Variants in TTC27 observed in about 807,000 individuals in gnomAD.
TTC27 encodes tetratricopeptide repeat protein 27.
TTC27 carries 79 observed loss-of-function variants against 115.9 expected under a neutral mutation model. That is an observed-to-expected ratio of 0.68 (90% confidence interval 0.57 to 0.82). The LOEUF (loss-of-function observed/expected upper bound fraction) is 0.82, where lower values mean the gene tolerates loss of function less well. Ranked by LOEUF, TTC27 falls within the 40% of genes least tolerant of loss-of-function variation. TTC27 has a pLI of 0.00. For synonymous variants in TTC27, 401 were observed against 356.0 expected (o/e 1.13, Z -1.42); for missense variants, 1,054 against 993.1 (o/e 1.06, Z -0.82).
chr2:32,711,517 T>C (rs1667580603), intron 10 of TTC27, among the ~76,000 whole-genome samples: 1 of 152,238 alleles, frequency 6.6e-6, no homozygotes, highest in African/African-American at 2.4e-5. Flanking sequence ...CCCTGAGGAA[T>C]AAGAGGAAAA....
chr2:32,741,965 T>C (rs1341232413), intron 12 of TTC27, among the ~76,000 whole-genome samples: 1 of 152,254 alleles, frequency 6.6e-6, no homozygotes, highest in African/African-American at 2.4e-5. Flanking sequence ...TAAAGAATTT[T>C]GATTCTTGCT....
chr2:32,684,708 C>G (rs1035224865), intron 9 of TTC27, among the ~76,000 whole-genome samples: 3 of 151,910 alleles, frequency 2.0e-5, no homozygotes, highest in African/African-American at 7.2e-5. Context: ...TTACTCATTT[C>G]TTAATTGTAA....
intron 16 of TTC27, among the ~76,000 whole-genome samples, chr2:32,793,734 G>C (rs1670611383): frequency 6.6e-6 from 1 of 152,072 alleles, no homozygotes; most frequent in South Asian, 2.1e-4. Context: ...TGTTGGCCAG[G>C]CTGGTCTTGA....
Position 32,673,327 on chromosome 2 carries a change from C to T in TTC27, c.1052+943C>T, listed in dbSNP as rs563958046. Among the ~76,000 whole-genome samples, 9 of 151,678 alleles carry T rather than the reference C, an allele frequency of 5.9e-5. 1 individual carries two copies. The South Asian group carries it at 1.0e-3, about 18-fold the overall frequency. On this transcript the variant is annotated intron_variant, in intron 8 of 19. Transcript: ENST00000317907. ...GCAACCTCCGCCCCACGGGCTCAAG[C>T]GATTCTCTTGCCTCAGCCTCCTGAG...
chr2:32,705,532 A>T (rs558535165), intron 10 of TTC27, among the ~76,000 whole-genome samples: 16 of 106,450 alleles, frequency 1.5e-4, no homozygotes, highest in African/African-American at 3.3e-4. Context: ...TTAGCATTTT[A>T]AAAAAATGTA....
intron 19 of TTC27, among the ~76,000 whole-genome samples, 174 bp from the exon 20 acceptor site, chr2:32,820,638 TTTAA>T (rs1320791561): frequency 9.2e-5 from 14 of 152,222 alleles, no homozygotes; most frequent in African/African-American, 2.9e-4. Flanking sequence ...TGATTCACCC[TTTAA>T]TTATTTTAGC....
intron 9 of TTC27, among the ~76,000 whole-genome samples, chr2:32,686,008 A>G (rs754621800): frequency 3.3e-5 from 5 of 152,238 alleles, no homozygotes; most frequent in Non-Finnish European, 7.3e-5. Flanking sequence ...GCAAGTTCTT[A>G]GAATACAAGG....
chr2:32,785,155 T>C (rs1670305589), intron 15 of TTC27, among the ~76,000 whole-genome samples: 1 of 152,216 alleles, frequency 6.6e-6, no homozygotes, highest in Admixed American at 6.5e-5. Context: ...ACTTTAAAAG[T>C]AGTATTCTGT....
intron 19 of TTC27, 51 bp downstream of exon 19, chr2:32,817,608 T>G: frequency 6.8e-7 from 1 of 1,461,438 alleles, no homozygotes; most frequent in Non-Finnish European, 9.6e-7. Context: ...AAAAGGTCAT[T>G]AGTATCAGCT....
chr2:32,751,821 C>CT (rs1057398089), intron 12 of TTC27, among the ~76,000 whole-genome samples: 1 of 152,164 alleles, frequency 6.6e-6, no homozygotes, highest in African/African-American at 2.4e-5. Context: ...ATCTAAAAGG[C>CT]TGTGAGTCTT....
rs181883046 is a variant in TTC27 at position 32,658,683 on chromosome 2, G to A, written c.641-5620G>A. Among the ~76,000 whole-genome samples, 112 of 152,294 alleles carry A rather than the reference G, an allele frequency of 7.4e-4. 1 individual carries two copies. Among genetic ancestry groups the A allele is most frequent in the Non-Finnish European group, 1.3e-3 (87 of 68,026 alleles). ...CATTTGTGAGAGATAGTTTGTCAGT[G>A]ATATTATAGAAGGGAATTCTGTTTG... is the stretch of plus-strand genomic sequence containing the variant. On this transcript the variant is annotated intron_variant, in intron 5 of 19. Transcript: ENST00000317907.
At chr2:32,777,822 A>T in intron 13 of TTC27, 60 bp from the exon 14 acceptor site, 2 of 1,520,920 alleles carry the variant, frequency 1.3e-6, no homozygotes, top group Non-Finnish European at 1.8e-6. Flanking sequence ...AATAATTTTC[A>T]GATTACATTC....
At position 32,680,239 on chromosome 2, in the gene TTC27, G is replaced by A. The variant is rs190068251; in HGVS notation, c.1119+1317G>A. Among the ~76,000 whole-genome samples the A allele has an allele frequency of 8.3e-3, 1,260 of 152,156 alleles. 16 individuals are homozygous for A. The highest frequency in any genetic ancestry group is 9.0e-3 in the Non-Finnish European group (610 of 68,014). ...CATTATTTATTATATGTGCTATAAA[G>A]GAATTGACGAAGTGTTAACAAATTT... is the stretch of plus-strand genomic sequence containing the variant. On this transcript the variant is annotated intron_variant, in intron 9 of 19. Transcript: ENST00000317907.
At chr2:32,767,453 GT>G (rs397754905) in intron 13 of TTC27, among the ~76,000 whole-genome samples, 6 of 114,240 alleles carry the variant, frequency 5.3e-5, no homozygotes, top group East Asian at 2.8e-4. Flanking sequence ...GTTTTTTTTT[GT>G]TTTTTTTTTT....
intron 9 of TTC27, among the ~76,000 whole-genome samples, chr2:32,690,112 A>G (rs901331023): frequency 1.3e-5 from 2 of 152,202 alleles, no homozygotes; most frequent in Admixed American, 6.5e-5. Flanking sequence ...CTCAAGTAAC[A>G]TTGCTTGCTT....
chr2:32,745,903 G>A (rs1668809181), intron 12 of TTC27, among the ~76,000 whole-genome samples: 1 of 152,110 alleles, frequency 6.6e-6, no homozygotes, highest in Non-Finnish European at 1.5e-5. Context: ...TTTAGGGTAT[G>A]ACCTTTGCTC....
intron 10 of TTC27, chr2:32,705,050 C>G (rs1667319258): frequency 2.5e-6 from 1 of 406,094 alleles, no homozygotes; most frequent in Non-Finnish European, 5.1e-6. Context: ...ATGTGATTCC[C>G]ATTGTTGGAG....
intron 5 of TTC27, among the ~76,000 whole-genome samples, chr2:32,655,732 CTT>C (rs879793007): frequency 1.8e-4 from 25 of 140,730 alleles, no homozygotes; most frequent in Admixed American, 2.8e-4. Context: ...CTACAAAGTC[CTT>C]TTTTTTTTTT....
At chr2:32,784,296 G>T (rs748115620) in intron 15 of TTC27, among the ~76,000 whole-genome samples, 1 of 152,152 alleles carries the variant, frequency 6.6e-6, no homozygotes, top group Non-Finnish European at 1.5e-5. Flanking sequence ...AGGTTTTCAT[G>T]CAAAGGTGGA....
Sources: gnomAD v4.1 joint callset for allele counts (sites outside exome capture counted in the v4.1 genomes callset) on GRCh38, gnomAD v4.1.1 for gene constraint, MANE v1.5 for transcripts, NCBI Gene and HGNC (gene_info 2026-07-23, HGNC 2026-07-21) for gene names.